IMMP2L: variants seen among roughly 807,000 people sequenced by gnomAD.
IMMP2L encodes mitochondrial inner membrane protease subunit 2.
IMMP2L carries 18 observed loss-of-function variants against 19.3 expected under a neutral mutation model. The ratio of observed to expected loss-of-function variants is 0.93; its 90% confidence interval spans 0.64 to 1.38. The LOEUF (loss-of-function observed/expected upper bound fraction) is 1.38. Ranked by LOEUF, IMMP2L falls within the 40% of genes most tolerant of loss-of-function variation. The pLI is 0.00. For synonymous variants in IMMP2L, 76 were observed against 73.0 expected (o/e 1.04, Z -0.21); for missense variants, 233 against 218.2 (o/e 1.07, Z -0.43).
intron 3 of IMMP2L, among the ~76,000 whole-genome samples, chr7:111,331,121 T>G (rs1282156099): frequency 6.6e-6 from 1 of 151,910 alleles, no homozygotes; most frequent in Non-Finnish European, 1.5e-5. Flanking sequence ...AAGAAATGTC[T>G]GCATTCCATG....
At chr7:111,524,369 GA>G (rs1157252919) in intron 1 of IMMP2L, among the ~76,000 whole-genome samples, 1 of 152,090 alleles carries the variant, frequency 6.6e-6, no homozygotes, top group Non-Finnish European at 1.5e-5. Context: ...ACGTAGAAGA[GA>G]AAGGAAACGG....
chr7:110,722,991 T>C (rs940900846), intron 5 of IMMP2L, among the ~76,000 whole-genome samples: 2 of 152,174 alleles, frequency 1.3e-5, no homozygotes, highest in African/African-American at 4.8e-5. Flanking sequence ...ACGGCAAACT[T>C]GTCTTCAGTT....
At chr7:111,525,332 G>T (rs958754133) in intron 1 of IMMP2L, among the ~76,000 whole-genome samples, 2 of 152,118 alleles carry the variant, frequency 1.3e-5, no homozygotes, top group African/African-American at 4.8e-5. Flanking sequence ...GGAAGTGGAA[G>T]AGCACAGTGG....
At chr7:110,831,520 C>T (rs1385409200) in intron 5 of IMMP2L, among the ~76,000 whole-genome samples, 1 of 152,070 alleles carries the variant, frequency 6.6e-6, no homozygotes, top group African/African-American at 2.4e-5. Context: ...GCCTTTCAAA[C>T]GTATCTTGTT....
chr7:111,131,030 T>A (rs891929522), intron 3 of IMMP2L, among the ~76,000 whole-genome samples: 3 of 152,004 alleles, frequency 2.0e-5, no homozygotes, highest in Admixed American at 6.6e-5. Context: ...AAAAATTACA[T>A]ATAAAATGCA....
chr7:110,774,432 T>C (rs926812743), intron 5 of IMMP2L, among the ~76,000 whole-genome samples: 12 of 152,092 alleles, frequency 7.9e-5, no homozygotes, highest in African/African-American at 2.9e-4. Flanking sequence ...AATATTACTT[T>C]AACAGTATTT....
chr7:111,021,247 C>T (rs551830418), intron 3 of IMMP2L, among the ~76,000 whole-genome samples: 5 of 152,276 alleles, frequency 3.3e-5, no homozygotes, highest in South Asian at 2.1e-4. Flanking sequence ...CTCATCTTTC[C>T]GCCCTTTCTC....
intron 4 of IMMP2L, among the ~76,000 whole-genome samples, chr7:110,911,438 T>C (rs1174968160): frequency 6.6e-6 from 1 of 152,184 alleles, no homozygotes; most frequent in Non-Finnish European, 1.5e-5. Flanking sequence ...TTCAATTATG[T>C]GGAAATTATT....
intron 3 of IMMP2L, among the ~76,000 whole-genome samples, chr7:111,269,565 C>T (rs1470033300): frequency 6.6e-6 from 1 of 151,894 alleles, no homozygotes; most frequent in African/African-American, 2.4e-5. Flanking sequence ...TTATTAAACA[C>T]ACTATGAATA....
intron 3 of IMMP2L, among the ~76,000 whole-genome samples, chr7:111,263,656 T>A (rs573302689): frequency 6.6e-6 from 1 of 152,238 alleles, no homozygotes; most frequent in South Asian, 2.1e-4. Flanking sequence ...CAAGCCTGGA[T>A]GAAATCACTA....
intron 3 of IMMP2L, among the ~76,000 whole-genome samples, chr7:111,264,156 A>G (rs886252848): frequency 4.6e-5 from 7 of 152,174 alleles, no homozygotes; most frequent in African/African-American, 1.4e-4. Flanking sequence ...TGAAATTTAA[A>G]CACATTAACA....
chr7:110,960,119 T>TA (rs1423885043), intron 4 of IMMP2L, among the ~76,000 whole-genome samples: 2 of 151,996 alleles, frequency 1.3e-5, no homozygotes, highest in Non-Finnish European at 1.5e-5. Context: ...CTAATCCTGT[T>TA]AGATTGCTTT....
chr7:110,688,691 C>T (rs901336967), intron 5 of IMMP2L, among the ~76,000 whole-genome samples: 2 of 151,636 alleles, frequency 1.3e-5, no homozygotes, highest in Non-Finnish European at 2.9e-5. Context: ...TTCTACGTAG[C>T]CATGAAAAAT....
chr7:111,413,301 C>T (rs1834608729), intron 3 of IMMP2L, among the ~76,000 whole-genome samples: 1 of 151,926 alleles, frequency 6.6e-6, no homozygotes, highest in African/African-American at 2.4e-5. Flanking sequence ...AGAATTAAAC[C>T]CTATACAAAC....
At chr7:110,700,139 C>T (rs1055359859) in intron 5 of IMMP2L, among the ~76,000 whole-genome samples, 1 of 152,166 alleles carries the variant, frequency 6.6e-6, no homozygotes, top group African/African-American at 2.4e-5. Flanking sequence ...TGATTCCTGA[C>T]CCACAGAATT....
intron 3 of IMMP2L, among the ~76,000 whole-genome samples, chr7:111,252,467 T>C (rs1015606664): frequency 1.3e-5 from 2 of 152,140 alleles, no homozygotes; most frequent in African/African-American, 4.8e-5. Flanking sequence ...TTGTCATAAG[T>C]ATAATTTAAA....
intron 3 of IMMP2L, among the ~76,000 whole-genome samples, chr7:111,402,021 G>A (rs573519576): frequency 6.6e-6 from 1 of 151,552 alleles, no homozygotes; most frequent in African/African-American, 2.4e-5. Context: ...GAGGCAAGAG[G>A]ACTGCTTGAG....
At chr7:111,322,236 C>T (rs1460126748) in intron 3 of IMMP2L, among the ~76,000 whole-genome samples, 1 of 151,758 alleles carries the variant, frequency 6.6e-6, no homozygotes, top group Non-Finnish European at 1.5e-5. Flanking sequence ...AAAAGGCTGG[C>T]CCCCAGATTC....
intron 1 of IMMP2L, among the ~76,000 whole-genome samples, chr7:111,555,042 T>C (rs921161823): frequency 2.0e-5 from 3 of 152,144 alleles, no homozygotes; most frequent in Non-Finnish European, 4.4e-5. Context: ...GCTCCAATAA[T>C]GGAGCACTAG....
Sources: allele counts gnomAD v4.1 joint callset (sites outside exome capture counted in the v4.1 genomes callset), GRCh38; gene constraint gnomAD v4.1.1; transcripts MANE v1.5; gene names NCBI Gene and HGNC (gene_info 2026-07-23, HGNC 2026-07-21).